MITF: variants seen among roughly 807,000 people sequenced by gnomAD.
MITF encodes the protein microphthalmia-associated transcription factor.
MITF carries 17 observed loss-of-function variants against 60.5 expected under a neutral mutation model. The ratio of observed to expected loss-of-function variants is 0.28; its 90% confidence interval spans 0.19 to 0.42. The LOEUF is 0.42. Among genes scored for constraint, MITF ranks in the 10% least tolerant of loss-of-function variants. MITF has a pLI of 1.00. For synonymous variants in MITF, 260 were observed against 248.5 expected (o/e 1.05, Z -0.43); for missense variants, 622 against 683.5 (o/e 0.91, Z 1.00).
chr3:69,785,092 G>A (rs2062626745), intron 1 of MITF, among the ~76,000 whole-genome samples: 1 of 150,090 alleles, frequency 6.7e-6, no homozygotes, highest in South Asian at 2.1e-4. Context: ...TGTCTTCCAC[G>A]AAAGCTTTGT....
intron 1 of MITF, among the ~76,000 whole-genome samples, chr3:69,822,963 A>G (rs556762690): frequency 2.4e-4 from 36 of 151,536 alleles, no homozygotes; most frequent in South Asian, 2.1e-3. Flanking sequence ...CAGTGGTGCA[A>G]TCTCGGCTCA....
intron 1 of MITF, among the ~76,000 whole-genome samples, chr3:69,851,164 G>C (rs2063817272): frequency 6.6e-6 from 1 of 152,162 alleles, no homozygotes; most frequent in African/African-American, 2.4e-5. Context: ...TCATTAATGT[G>C]TACCAAATAT....
chr3:69,871,761 C>T (rs1049151882), intron 1 of MITF, among the ~76,000 whole-genome samples: 1 of 152,178 alleles, frequency 6.6e-6, no homozygotes, highest in African/African-American at 2.4e-5. Context: ...GTGATTGGAA[C>T]AATTATTTGA....
At chr3:69,838,803 C>T (rs1305830147) in intron 1 of MITF, among the ~76,000 whole-genome samples, 2 of 152,160 alleles carry the variant, frequency 1.3e-5, no homozygotes, top group African/African-American at 4.8e-5. Context: ...ATTTTTGTAG[C>T]TTTGCCTTAC....
intron 1 of MITF, among the ~76,000 whole-genome samples, chr3:69,775,407 G>C (rs773955495): frequency 6.6e-6 from 1 of 152,134 alleles, no homozygotes; most frequent in East Asian, 1.9e-4. Context: ...TTGGTTTTGT[G>C]TATTATTGAG....
intron 6 of MITF, 74 bp from the exon 7 acceptor site, chr3:69,951,738 G>A (rs1316425274): frequency 1.8e-6 from 2 of 1,092,460 alleles, no homozygotes; most frequent in South Asian, 1.3e-5. Flanking sequence ...TTTGGGAAAT[G>A]AGATATTTTG....
intron 1 of MITF, among the ~76,000 whole-genome samples, chr3:69,845,795 C>G (rs1431306487): frequency 2.0e-5 from 3 of 152,176 alleles, no homozygotes; most frequent in African/African-American, 7.2e-5. Flanking sequence ...ATCCTGCTGT[C>G]AAAACATGTT....
intron 1 of MITF, among the ~76,000 whole-genome samples, chr3:69,836,087 AT>A (rs2063535767): frequency 6.6e-6 from 1 of 152,206 alleles, no homozygotes; most frequent in African/African-American, 2.4e-5. Flanking sequence ...AGCAATATTA[AT>A]TCTTTCGGTT....
intron 1 of MITF, among the ~76,000 whole-genome samples, chr3:69,875,911 GC>G (rs2064343325): frequency 6.6e-6 from 1 of 152,212 alleles, no homozygotes; most frequent in Non-Finnish European, 1.5e-5. Flanking sequence ...CGACTCTAAT[GC>G]TTCCTTTGCA....
intron 4 of MITF, among the ~76,000 whole-genome samples, chr3:69,940,575 CTGGTAG>C (rs2065945562): frequency 6.6e-6 from 1 of 152,138 alleles, no homozygotes; most frequent in Non-Finnish European, 1.5e-5. Flanking sequence ...ACCAAGCACA[CTGGTAG>C]CTGTACAAGG....
chr3:69,913,609 G>A (rs2065269259), intron 2 of MITF, among the ~76,000 whole-genome samples: 1 of 152,200 alleles, frequency 6.6e-6, no homozygotes, highest in Non-Finnish European at 1.5e-5. Context: ...CATAGTGATT[G>A]ACTGCATCTC....
At chr3:69,830,161 C>T (rs2063422037) in intron 1 of MITF, among the ~76,000 whole-genome samples, 1 of 152,104 alleles carries the variant, frequency 6.6e-6, no homozygotes, top group South Asian at 2.1e-4. Context: ...TTGCTTTCAT[C>T]AGGTTCTATC....
At chr3:69,868,762 GGTGTC>G (rs1044489889) in intron 1 of MITF, among the ~76,000 whole-genome samples, 1 of 151,946 alleles carries the variant, frequency 6.6e-6, no homozygotes, top group African/African-American at 2.4e-5. Flanking sequence ...AGCCAGGCAT[GGTGTC>G]CCGGGCCTAT....
At position 69,830,376 on chromosome 3, in the gene MITF, G is replaced by A. The variant is rs375649875; in HGVS notation, c.105-48758G>A. On this transcript the variant is annotated intron_variant, in intron 1 of 9. Coordinates refer to ENST00000352241, the MANE Select transcript of MITF (RefSeq NM_001354604.2). ...CCTGGAAAGCTCGGCCTGCTACCAC[G>A]CACAGAGCTCATTGCCTCACCTCCT... 5.9e-5 allele frequency among the ~76,000 whole-genome samples: 9 copies of A among 152,156 alleles called. No individual in the cohort carries two copies. In the East Asian group the frequency reaches 1.5e-3, roughly 26 times the overall value.
chr3:69,907,858 A>C (rs961230796), intron 2 of MITF, among the ~76,000 whole-genome samples: 2 of 152,216 alleles, frequency 1.3e-5, no homozygotes, highest in African/African-American at 2.4e-5. Flanking sequence ...CAAGAAAATC[A>C]TATTCTGCTG....
chr3:69,949,715 A>G (rs1192178603), intron 6 of MITF, among the ~76,000 whole-genome samples: 1 of 152,202 alleles, frequency 6.6e-6, no homozygotes, highest in African/African-American at 2.4e-5. Flanking sequence ...AGCAATGGAT[A>G]TTATTTGTTC....
intron 1 of MITF, among the ~76,000 whole-genome samples, chr3:69,753,315 T>A (rs968516008): frequency 6.6e-6 from 1 of 152,178 alleles, no homozygotes; most frequent in Non-Finnish European, 1.5e-5. Flanking sequence ...CCAACTAGAT[T>A]TCAGAGGATG....
At chr3:69,897,889 AG>A (rs1250102010) in intron 2 of MITF, among the ~76,000 whole-genome samples, 3 of 152,246 alleles carry the variant, frequency 2.0e-5, no homozygotes, top group Non-Finnish European at 4.4e-5. Flanking sequence ...AGCTTGTGCT[AG>A]TCATTATTAT....
intron 1 of MITF, among the ~76,000 whole-genome samples, chr3:69,845,450 T>TTC (rs2063715341): frequency 6.7e-6 from 1 of 149,966 alleles, no homozygotes; most frequent in Non-Finnish European, 1.5e-5. Context: ...TTCTTTTTTT[T>TTC]TTTTTTGCTA....
Sources: gnomAD v4.1 joint callset for allele counts (sites outside exome capture counted in the v4.1 genomes callset) on GRCh38, gnomAD v4.1.1 for gene constraint, MANE v1.5 for transcripts, NCBI Gene and HGNC (gene_info 2026-07-23, HGNC 2026-07-21) for gene names.